HS6ST3: variants seen among roughly 807,000 people sequenced by gnomAD.
HS6ST3 encodes heparan sulfate 6-O-sulfotransferase 3.
Under a neutral mutation model 36.7 loss-of-function variants are expected in HS6ST3, and 12 were observed. The ratio of observed to expected loss-of-function variants is 0.33; its 90% CI spans 0.21 to 0.53. The LOEUF is 0.53. Among genes scored for constraint, HS6ST3 ranks in the 20% least tolerant of loss-of-function variants. HS6ST3 has a pLI of 0.95. For missense variants in HS6ST3, 584 were observed against 640.9 expected (o/e 0.91, Z 0.96); for synonymous variants, 240 against 257.5 (o/e 0.93, Z 0.65).
intron 1 of HS6ST3, among the ~76,000 whole-genome samples, chr13:96,817,314 G>C (rs1018293837): frequency 6.6e-6 from 1 of 152,178 alleles, no homozygotes; most frequent in Non-Finnish European, 1.5e-5. Flanking sequence ...TTTTATGCTA[G>C]AGTGGACGCA....
intron 1 of HS6ST3, among the ~76,000 whole-genome samples, chr13:96,222,103 T>G (rs2054458634): frequency 6.6e-6 from 1 of 152,230 alleles, no homozygotes; most frequent in African/African-American, 2.4e-5. Flanking sequence ...AAAGATATTT[T>G]TCCTTGGGCA....
At chr13:96,689,165 G>A (rs961575915) in intron 1 of HS6ST3, among the ~76,000 whole-genome samples, 1 of 152,010 alleles carries the variant, frequency 6.6e-6, no homozygotes, top group Non-Finnish European at 1.5e-5. Context: ...TCAAAGGAGT[G>A]TTCCGAGGCT....
rs117950295 is a variant in HS6ST3, at chr13:96,695,887, A to T, written c.708-136603A>T. On this transcript the variant is annotated intron_variant, in intron 1 of 1. Coordinates refer to ENST00000376705, the MANE Select transcript of HS6ST3 (RefSeq NM_153456.4). ...AAAAATATCCAAAAATAAGGGGTTA[A>T]AGAATCAGGCCTTCTGAATCCAAAT... Among the ~76,000 whole-genome samples the T allele has an allele frequency of 9.2e-3, 1,408 of 152,290 alleles. 65 individuals carry two copies. Among genetic ancestry groups the T allele is most frequent in the Admixed American group, 0.061 (938 of 15,280 alleles).
At chr13:96,626,718 G>C (rs1282810522) in intron 1 of HS6ST3, among the ~76,000 whole-genome samples, 1 of 151,656 alleles carries the variant, frequency 6.6e-6, no homozygotes, top group Non-Finnish European at 1.5e-5. Flanking sequence ...TCAAATTTTT[G>C]TTTTTTTGTA....
chr13:96,393,039 A>C (rs2055403931), intron 1 of HS6ST3, among the ~76,000 whole-genome samples: 1 of 152,080 alleles, frequency 6.6e-6, no homozygotes, highest in Non-Finnish European at 1.5e-5. Flanking sequence ...CGTTTCCATG[A>C]TAGTAACTAC....
At chr13:96,490,974 A>T (rs1363809848) in intron 1 of HS6ST3, among the ~76,000 whole-genome samples, 1 of 152,142 alleles carries the variant, frequency 6.6e-6, no homozygotes, top group Non-Finnish European at 1.5e-5. Flanking sequence ...TGTATTTAGG[A>T]TATGGTTGTG....
intron 1 of HS6ST3, among the ~76,000 whole-genome samples, chr13:96,681,066 G>C (rs2056716841): frequency 6.6e-6 from 1 of 152,120 alleles, no homozygotes; most frequent in Non-Finnish European, 1.5e-5. Flanking sequence ...ATAGATATTT[G>C]TTTTCTTTGC....
At chr13:96,667,375 G>A (rs149555692) in intron 1 of HS6ST3, among the ~76,000 whole-genome samples, 86 of 152,202 alleles carry the variant, frequency 5.7e-4, no homozygotes, top group African/African-American at 1.6e-3. Flanking sequence ...CTTCTATAAT[G>A]CATGTCAAGT....
intron 1 of HS6ST3, among the ~76,000 whole-genome samples, chr13:96,102,982 T>G (rs2053824822): frequency 6.6e-6 from 1 of 152,244 alleles, no homozygotes; most frequent in Admixed American, 6.5e-5. Flanking sequence ...TTTAAAATTT[T>G]ATCGGTACGT....
intron 1 of HS6ST3, among the ~76,000 whole-genome samples, chr13:96,710,348 G>A (rs1875531006): frequency 6.6e-6 from 1 of 152,224 alleles, no homozygotes; most frequent in South Asian, 2.1e-4. Flanking sequence ...TCTGCCTGCA[G>A]GCAGCTGGTG....
chr13:96,610,633 A>G (rs78845286), intron 1 of HS6ST3, among the ~76,000 whole-genome samples: 2,715 of 152,296 alleles, frequency 0.018, 58 homozygotes, highest in African/African-American at 0.049. Flanking sequence ...CAGACGGTAA[A>G]GTATGTTATC....
intron 1 of HS6ST3, among the ~76,000 whole-genome samples, chr13:96,373,598 C>A (rs1338418010): frequency 1.3e-5 from 2 of 152,108 alleles, no homozygotes; most frequent in African/African-American, 4.8e-5. Context: ...GCATTCCCCA[C>A]CAATTTGAAA....
chr13:96,331,375 T>G (rs2055066202), intron 1 of HS6ST3, among the ~76,000 whole-genome samples: 1 of 151,936 alleles, frequency 6.6e-6, no homozygotes, highest in Non-Finnish European at 1.5e-5. Context: ...ATGTCCTTTC[T>G]GTTTGTTAGT....
At chr13:96,592,422 T>C (rs1320504401) in intron 1 of HS6ST3, among the ~76,000 whole-genome samples, 1 of 152,194 alleles carries the variant, frequency 6.6e-6, no homozygotes, top group Admixed American at 6.5e-5. Context: ...TTGTTTAGTC[T>C]TTCTACTTAA....
chr13:96,722,449 T>C (rs565279120), intron 1 of HS6ST3, among the ~76,000 whole-genome samples: 42 of 152,312 alleles, frequency 2.8e-4, no homozygotes, highest in African/African-American at 1.0e-3. Context: ...TGCTTCTTTT[T>C]TGAATTCACA....
chr13:96,388,431 A>G (rs543882076), intron 1 of HS6ST3, among the ~76,000 whole-genome samples: 2 of 152,352 alleles, frequency 1.3e-5, no homozygotes, highest in Non-Finnish European at 2.9e-5. Context: ...ATGGGGTTAT[A>G]AGGAATAATT....
intron 1 of HS6ST3, among the ~76,000 whole-genome samples, chr13:96,415,120 A>G (rs566565191): frequency 1.3e-5 from 2 of 152,328 alleles, no homozygotes; most frequent in East Asian, 1.9e-4. Flanking sequence ...CCTTGCAGCT[A>G]TGGTTCTTTG....
intron 1 of HS6ST3, among the ~76,000 whole-genome samples, chr13:96,668,190 GCA>G (rs1342302250): frequency 6.6e-6 from 1 of 150,612 alleles, no homozygotes; most frequent in Admixed American, 6.6e-5. Flanking sequence ...ACACACACAC[GCA>G]CACACACACA....
intron 1 of HS6ST3, among the ~76,000 whole-genome samples, chr13:96,475,631 G>A (rs74106469): frequency 0.034 from 4,494 of 132,076 alleles, 204 homozygotes; most frequent in African/African-American, 0.11. Context: ...AAAAAAAAAA[G>A]AAAAGAAAGA....
Sources: gnomAD v4.1 joint callset for allele counts (sites outside exome capture counted in the v4.1 genomes callset) on GRCh38, gnomAD v4.1.1 for gene constraint, MANE v1.5 for transcripts, NCBI Gene and HGNC (gene_info 2026-07-23, HGNC 2026-07-21) for gene names.